Variants in PHF24 observed in about 807,000 individuals in gnomAD.
The protein encoded by PHF24 is PHD finger protein 24, also known as Galpha inhibitory interacting protein.
A neutral mutation model predicts 42.6 loss-of-function variants in PHF24; 25 were observed. That is an observed-to-expected ratio of 0.59 (90% CI 0.43 to 0.82). The LOEUF (loss-of-function observed/expected upper bound fraction) is 0.82. PHF24 is among the 40% of genes least tolerant of loss of function. PHF24 has a pLI of 0.00. For synonymous variants in PHF24, 185 were observed against 204.8 expected, an observed-to-expected ratio of 0.90 and a Z score of 0.83; for missense variants, 470 against 538.1, an observed-to-expected ratio of 0.87 and a Z score of 1.25.
the PHF24 span, chr9:34,709,316 C>T: frequency 1.3e-6 from 2 of 1,557,248 alleles, no homozygotes; most frequent in South Asian, 1.1e-5. Flanking sequence ...AGCATAGCCT[C>T]CTTCTTGCAT....
the PHF24 span, among the ~76,000 whole-genome samples, chr9:34,795,835 A>T: frequency 6.6e-6 from 1 of 152,054 alleles, no homozygotes; most frequent in South Asian, 2.1e-4. Context: ...CATCTCTACA[A>T]AAAATAAGAA....
the PHF24 span, among the ~76,000 whole-genome samples, chr9:34,794,333 T>C: frequency 1.7e-4 from 26 of 152,318 alleles, no homozygotes; most frequent in Non-Finnish European, 1.6e-4. Context: ...GGTTCTATTG[T>C]CTGCTAAAAT....
the PHF24 span, among the ~76,000 whole-genome samples, chr9:34,759,737 T>C: frequency 6.6e-6 from 1 of 152,170 alleles, no homozygotes; most frequent in Non-Finnish European, 1.5e-5. Flanking sequence ...GCCGGTGCAC[T>C]ACTTACCTCA....
the PHF24 span, among the ~76,000 whole-genome samples, chr9:34,940,139 G>T: frequency 6.6e-6 from 1 of 152,004 alleles, no homozygotes; most frequent in African/African-American, 2.4e-5. Flanking sequence ...TATACAATGG[G>T]CCCCAGTGAA....
chr9:34,691,121 G>C, the PHF24 span: 4 of 1,613,282 alleles, frequency 2.5e-6, no homozygotes, highest in Non-Finnish European at 3.4e-6. Flanking sequence ...AGCAGGCTGA[G>C]GGCCAGTAGC....
the PHF24 span, among the ~76,000 whole-genome samples, chr9:34,874,162 C>G: frequency 6.6e-6 from 1 of 152,110 alleles, no homozygotes; most frequent in Non-Finnish European, 1.5e-5. Flanking sequence ...TGGACTTCCT[C>G]TTTTCCTAAT....
chr9:34,818,719 G>A, the PHF24 span, among the ~76,000 whole-genome samples: 8 of 152,208 alleles, frequency 5.3e-5, no homozygotes, highest in African/African-American at 1.4e-4. Flanking sequence ...CAGCACTTTG[G>A]GAGGCTGAGG....
At chr9:34,765,105 G>A in the PHF24 span, among the ~76,000 whole-genome samples, 1 of 151,362 alleles carries the variant, frequency 6.6e-6, no homozygotes, top group South Asian at 2.1e-4. Context: ...TTGCTGAGGA[G>A]AGCTTTACTT....
the PHF24 span, among the ~76,000 whole-genome samples, chr9:34,739,479 C>T: frequency 2.3e-4 from 35 of 152,186 alleles, no homozygotes; most frequent in African/African-American, 7.7e-4. Context: ...ATTATGTGTC[C>T]GGAATTGGTG....
At chr9:34,764,641 A>G in the PHF24 span, among the ~76,000 whole-genome samples, 1 of 152,066 alleles carries the variant, frequency 6.6e-6, no homozygotes, top group Admixed American at 6.6e-5. Context: ...AATCCTTTCA[A>G]AAAACCAGCT....
the PHF24 span, among the ~76,000 whole-genome samples, chr9:34,685,943 C>T: frequency 0.18 from 26,670 of 152,178 alleles, 2,476 homozygotes; most frequent in Admixed American, 0.23. Context: ...CAGACAGGAA[C>T]GCCAGCTCTG....
the PHF24 span, chr9:34,725,932 G>C: frequency 6.4e-7 from 1 of 1,551,402 alleles, no homozygotes; most frequent in Non-Finnish European, 8.7e-7. Flanking sequence ...GCAGAGAAGG[G>C]AGCCCACAGA....
At chr9:34,975,534 G>A (rs1017467094) in intron 3 of PHF24, among the ~76,000 whole-genome samples, 12 of 152,008 alleles carry the variant, frequency 7.9e-5, no homozygotes, top group African/African-American at 2.7e-4. Flanking sequence ...GTATGGTAAC[G>A]TCAACACAAT....
the PHF24 span, among the ~76,000 whole-genome samples, chr9:34,710,946 C>T: frequency 6.6e-6 from 1 of 152,030 alleles, no homozygotes; most frequent in Non-Finnish European, 1.5e-5. Flanking sequence ...TTTGATTCCC[C>T]TTTGCTTTCC....
the PHF24 span, chr9:34,835,875 C>A: frequency 9.2e-7 from 1 of 1,084,014 alleles, no homozygotes; most frequent in Non-Finnish European, 1.4e-6. Flanking sequence ...TAGACAGAGA[C>A]AAGATCTCTA....
At chr9:34,885,619 A>G in the PHF24 span, among the ~76,000 whole-genome samples, 1 of 152,080 alleles carries the variant, frequency 6.6e-6, no homozygotes, top group South Asian at 2.1e-4. Context: ...CCTGCTTCCC[A>G]GTCCACTTCT....
the PHF24 span, chr9:34,835,959 C>T: frequency 1.4e-6 from 1 of 723,494 alleles, no homozygotes; most frequent in Non-Finnish European, 2.5e-6. Context: ...CCAGCAACTG[C>T]TGAATCTCCA....
At chr9:34,972,317 C>A in intron 2 of PHF24, 29 bp from the exon 3 acceptor site, 1 of 1,576,098 alleles carries the variant, frequency 6.3e-7, no homozygotes, top group South Asian at 1.2e-5. Context: ...ATTTACACAT[C>A]CCTGTTTCCT....
chr9:34,815,213 G>C, the PHF24 span, among the ~76,000 whole-genome samples: 138,069 of 152,186 alleles, frequency 0.91, 63,439 homozygotes, highest in Non-Finnish European at 0.99. Flanking sequence ...GGTTGCTTCC[G>C]CACAATTTCC....
Sources: allele counts gnomAD v4.1 joint callset (sites outside exome capture counted in the v4.1 genomes callset), GRCh38; gene constraint gnomAD v4.1.1; transcripts MANE v1.5; gene names NCBI Gene and HGNC (gene_info 2026-07-23, HGNC 2026-07-21).